ATP2A1: variants seen among roughly 807,000 people sequenced by gnomAD.
ATP2A1 encodes ATPase sarcoplasmic/endoplasmic reticulum Ca2+ transporting 1, also known as sarcoplasmic/endoplasmic reticulum calcium ATPase 1.
A neutral mutation model predicts 109.5 loss-of-function variants in ATP2A1; 83 were observed. The observed-to-expected ratio is 0.76, with a 90% CI of 0.63 to 0.91. The LOEUF is 0.91. ATP2A1 is among the 40% of genes least tolerant of loss of function. ATP2A1 has a pLI of 0.00. For synonymous variants in ATP2A1, 505 were observed against 537.6 expected (o/e 0.94, Z 0.84); for missense variants, 1,101 against 1,341.0 (o/e 0.82, Z 2.80).
At chr16:28,891,146 A>C (rs1192852736) in intron 9 of ATP2A1, among the ~76,000 whole-genome samples, 1 of 151,386 alleles carries the variant, frequency 6.6e-6, no homozygotes, top group Non-Finnish European at 1.5e-5. Context: ...AAATACAAAA[A>C]TTAGTTGGGC....
chr16:28,894,319 G>C, intron 10 of ATP2A1, 76 bp downstream of exon 10: 2 of 1,468,816 alleles, frequency 1.4e-6, no homozygotes, highest in Non-Finnish European at 1.9e-6. Flanking sequence ...GGCCCTCCAT[G>C]TGGTTTTGCT....
rs1383884994 is a variant in ATP2A1, at chr16:28,888,430, C to A, written c.929-357C>A. 1.5e-4 allele frequency among the ~76,000 whole-genome samples: 23 copies of A among 151,826 alleles called. 1 individual carries two copies. Among genetic ancestry groups the A allele is most frequent in the Non-Finnish European group, 2.9e-4 (20 of 67,920 alleles). On this transcript the variant is annotated intron_variant, in intron 8 of 22. Coordinates refer to ENST00000395503, the MANE Select transcript of ATP2A1 (RefSeq NM_004320.6). The stretch of plus-strand genomic sequence containing the variant: ...TTATTGTTTGTTTGTTTAATAGAGA[C>A]AGAGTCTCACTCTTGTTGCCCAGGC...
chr16:28,902,586 T>G lies in ATP2A1; in HGVS notation c.2531T>G (p.Val844Gly). ...TCCCCTCTCTCCACCACAGGCTATG[T>G]GGGTGCAGCCACCGTGGGAGCAGCT... ...FFRYMAIGGY[V>G]GAATVGAAAW... Residue 844 changes from valine (V) to glycine (G), a missense_variant, in exon 18 of 23, where the codon GTG (valine) becomes GGG (glycine). Coordinates refer to ENST00000395503, the MANE Select transcript of ATP2A1 (RefSeq NM_004320.6). This position sits in a 1 kb window ranked among gnomAD's most constrained non-coding sequence, Gnocchi z 4.8. 6.2e-7 allele frequency: 1 copy of G among 1,613,950 alleles called. No homozygotes were observed.
rs1248249913 is a variant in ATP2A1 at position 28,903,508 on chromosome 16, G to T, written c.2980+68G>T. 1 of 846,406 alleles carries T rather than the reference G, an allele frequency of 1.2e-6. No individual in the cohort carries two copies. The highest frequency in any genetic ancestry group is 2.7e-5 in the Admixed American group (1 of 36,424). 52.4% of individuals were successfully genotyped at this position (846,406 alleles called of 1,614,324 possible). ...GCCCCTTCCCCATGACGCCGCCCCCGCCCCGCCCCGTACTTTGCAGGTGGT... is the reference window on the plus strand; with the variant it reads ...GCCCCTTCCCCATGACGCCGCCCCCTCCCCGCCCCGTACTTTGCAGGTGGT... On this transcript the variant is annotated intron_variant, in intron 21 of 22. Coordinates refer to ENST00000395503, the MANE Select transcript of ATP2A1 (RefSeq NM_004320.6). The surrounding 1 kb of genome is among the most constrained non-coding windows in gnomAD (Gnocchi z 5.6).
chr16:28,903,505 C>T lies in ATP2A1; in HGVS notation c.2980+65C>T. 7.0e-7 allele frequency: 1 copy of T among 1,421,702 alleles called. No homozygotes were observed. Among genetic ancestry groups the T allele is most frequent in the Non-Finnish European group, 9.9e-7 (1 of 1,009,648 alleles). 88.1% of individuals were successfully genotyped at this position (1,421,702 alleles called of 1,614,324 possible). A position where few individuals can be genotyped will look rare whatever the true frequency, so the allele number is the denominator to read the frequency against. On this transcript the variant is annotated intron_variant, in intron 21 of 22. Coordinates refer to ENST00000395503, the MANE Select transcript of ATP2A1 (RefSeq NM_004320.6). The surrounding 1 kb of genome is among the most constrained non-coding windows in gnomAD (Gnocchi z 5.6). ...ACAGCCCCTTCCCCATGACGCCGCC[C>T]CCGCCCCGCCCCGTACTTTGCAGGT...
In ATP2A1 at chr16:28,880,791, G is replaced by T; in HGVS notation, c.220-124G>T. The stretch of plus-strand genomic sequence containing the variant: ...TGTGGGGCCACAGCGCCCCGACGGT[G>T]CCCGGCCCTCCTGCTGGCTCCTGCA... On this transcript the variant is annotated intron_variant, in intron 3 of 22. Transcript: ENST00000395503. This position sits in a 1 kb window ranked among gnomAD's most constrained non-coding sequence, Gnocchi z 4.2. 1 of 929,116 alleles carries T rather than the reference G, an allele frequency of 1.1e-6. No individual in the cohort carries two copies. The highest frequency in any genetic ancestry group is 1.7e-6 in the Non-Finnish European group (1 of 571,594). The allele number at this position is 929,116 out of a possible 1,614,324, so 57.6% of individuals were successfully genotyped here.
chr16:28,895,404 T>G (rs1963891292), intron 12 of ATP2A1, among the ~76,000 whole-genome samples: 1 of 152,236 alleles, frequency 6.6e-6, no homozygotes, highest in Non-Finnish European at 1.5e-5. Flanking sequence ...TCACTCCCAG[T>G]TATTGCTATT....
In ATP2A1 at chr16:28,880,130, C is replaced by A; in HGVS notation, c.219+547C>A. On this transcript the variant is annotated intron_variant, in intron 3 of 22. Transcript: ENST00000395503. This position sits in a 1 kb window ranked among gnomAD's most constrained non-coding sequence, Gnocchi z 4.2. ...GCACTGGCATCCCTCATTACCCGCC[C>A]AGCCTGGCCTTAGCCCTTCCCCGCG... The A allele has an allele frequency of 1.0e-6, 1 of 995,756 alleles. No individual in the cohort carries two copies. The highest frequency in any genetic ancestry group is 1.2e-6 in the Non-Finnish European group (1 of 838,168). 61.7% of individuals were successfully genotyped at this position (995,756 alleles called of 1,614,324 possible). A position where few individuals can be genotyped will look rare whatever the true frequency, so the allele number is the denominator to read the frequency against.
rs1393003803 is a variant in ATP2A1, at chr16:28,902,141, G to T, written c.2322-43G>T. 1 of 1,613,944 alleles carries T rather than the reference G, an allele frequency of 6.2e-7. No homozygotes were observed. The highest frequency in any genetic ancestry group is 1.3e-5 in the African/African-American group (1 of 75,060). ...CGGGGTTAGGGTGGGGTGGCTGCAGGTCTGGGAGGCAGGACAGAGGTGTGA... is the reference window on the plus strand; with the variant it reads ...CGGGGTTAGGGTGGGGTGGCTGCAGTTCTGGGAGGCAGGACAGAGGTGTGA... On this transcript the variant is annotated intron_variant, in intron 16 of 22. Coordinates refer to ENST00000395503, the MANE Select transcript of ATP2A1 (RefSeq NM_004320.6). This position sits in a 1 kb window ranked among gnomAD's most constrained non-coding sequence, Gnocchi z 4.8.
In ATP2A1 at chr16:28,884,569, C is replaced by A. The variant is rs758176819; in HGVS notation, c.464-6C>A. 6.2e-7 allele frequency: 1 copy of A among 1,612,810 alleles called. No homozygotes were observed. The highest frequency in any genetic ancestry group is 8.5e-7 in the Non-Finnish European group (1 of 1,179,294). On this transcript the variant is annotated splice_polypyrimidine_tract_variant and splice_region_variant and intron_variant, in intron 5 of 22. Transcript: ENST00000395503. Reference sequence around the variant, plus strand: ...GTGACCTCCCTCTTCCCTACTCTCTCCACAGTGGGGGACAAAGTCCCTGCA... The same window carrying A: ...GTGACCTCCCTCTTCCCTACTCTCTACACAGTGGGGGACAAAGTCCCTGCA...
intron 14 of ATP2A1, among the ~76,000 whole-genome samples, 167 bp from the exon 15 acceptor site, chr16:28,900,414 A>T (rs1964038477): frequency 1.3e-5 from 2 of 151,876 alleles, no homozygotes; most frequent in Non-Finnish European, 2.9e-5. Context: ...CCAAGGCCCC[A>T]CTGAGGTCTG....
chr16:28,887,818 T>G, intron 8 of ATP2A1, 96 bp downstream of exon 8: 3 of 1,473,878 alleles, frequency 2.0e-6, no homozygotes, highest in South Asian at 1.2e-5. Context: ...TTTTGTTTTT[T>G]GAGATGGAGT....
At position 28,883,883 on chromosome 16, in the gene ATP2A1, G is replaced by A. The variant is rs11643913; in HGVS notation, c.464-692G>A. On this transcript the variant is annotated intron_variant, in intron 5 of 22. Transcript: ENST00000395503. This position sits in a 1 kb window ranked among gnomAD's most constrained non-coding sequence, Gnocchi z 5.2. ...CCTGCCTCCCTGAGATGCTCAGACC[G>A]GGCTGTCAGGTTCCCGATATGTGGT... Among the ~76,000 whole-genome samples, 3,669 of 152,020 alleles carry A rather than the reference G, an allele frequency of 0.024. 80 individuals are homozygous for A. Among genetic ancestry groups the A allele is most frequent in the Non-Finnish European group, 0.032 (2,168 of 67,958 alleles).
At chr16:28,888,086 C>T (rs562406582) in intron 8 of ATP2A1, among the ~76,000 whole-genome samples, 34 of 151,994 alleles carry the variant, frequency 2.2e-4, no homozygotes, top group Non-Finnish European at 4.3e-4. Flanking sequence ...CAGGCGTGAG[C>T]CACCGCACCC....
At position 28,878,729 on chromosome 16, in the gene ATP2A1, G is replaced by C; in HGVS notation, c.58G>C (p.Glu20Gln). 6.2e-7 allele frequency: 1 copy of C among 1,613,108 alleles called. No individual in the cohort carries two copies. The highest frequency in any genetic ancestry group is 8.5e-7 in the Non-Finnish European group (1 of 1,179,580). Residue 20 changes from glutamate (E) to glutamine (Q), a missense_variant, in exon 1 of 23, where the codon GAG becomes CAG. Transcript: ENST00000395503. ...ATGTTTGGCCTATTTTGGGGTGAGTGAGACCACGGGCCTCACCCCGGACCA... is the reference window on the plus strand; with the variant it reads ...ATGTTTGGCCTATTTTGGGGTGAGTCAGACCACGGGCCTCACCCCGGACCA... Reference protein sequence around the residue: ...EECLAYFGVSETTGLTPDQVK... With the variant: ...EECLAYFGVSQTTGLTPDQVK...
In ATP2A1 at chr16:28,880,962, T is replaced by TGAACCCTTTGTC; in HGVS notation, c.268_279dup (p.Glu90_Val93dup). On this transcript the variant is annotated inframe_insertion, in exon 4 of 23. Transcript: ENST00000395503. This position sits in a 1 kb window ranked among gnomAD's most constrained non-coding sequence, Gnocchi z 4.2. The stretch of plus-strand genomic sequence containing the variant: ...GTGAAGAGACCATCACTGCCTTTGT[T>TGAACCCTTTGTC]GAACCCTTTGTCATCCTCTTGATCC... The TGAACCCTTTGTC allele has an allele frequency of 1.2e-6, 2 of 1,614,232 alleles. No homozygotes were observed. Among genetic ancestry groups the TGAACCCTTTGTC allele is most frequent in the Non-Finnish European group, 1.7e-6 (2 of 1,180,034 alleles).
At position 28,903,894 on chromosome 16, in the gene ATP2A1, C is replaced by T. The variant is rs2152216142; in HGVS notation, c.*37+153C>T. The T allele has an allele frequency of 3.5e-6, 3 of 846,720 alleles. No individual in the cohort carries two copies. Among genetic ancestry groups the T allele is most frequent in the Non-Finnish European group, 5.9e-6 (3 of 508,282 alleles). 52.5% of individuals were successfully genotyped at this position (846,720 alleles called of 1,614,324 possible). Reference sequence around the variant, plus strand: ...CTGCTGCGCTTCCAGTCAGGGTGGGCCGCTGGCCTCCCACTGGGCGTCAGT... The same window carrying T: ...CTGCTGCGCTTCCAGTCAGGGTGGGTCGCTGGCCTCCCACTGGGCGTCAGT... On this transcript the variant is annotated intron_variant, in intron 22 of 22. Transcript: ENST00000395503. This position sits in a 1 kb window ranked among gnomAD's most constrained non-coding sequence, Gnocchi z 5.6.
intron 12 of ATP2A1, among the ~76,000 whole-genome samples, chr16:28,897,791 C>T (rs1200974001): frequency 6.6e-6 from 1 of 152,180 alleles, no homozygotes; most frequent in Non-Finnish European, 1.5e-5. Flanking sequence ...TTCTGTGGGA[C>T]AGTGCCACAA....
chr16:28,894,126 A>T (rs1476001907), intron 9 of ATP2A1, 29 bp from the exon 10 acceptor site: 5 of 1,600,102 alleles, frequency 3.1e-6, no homozygotes, highest in Non-Finnish European at 4.3e-6. Context: ...AGAGGTGGAC[A>T]TCTGTGTGCC....
Sources: gnomAD v4.1 joint callset for allele counts (sites outside exome capture counted in the v4.1 genomes callset) on GRCh38, gnomAD v4.1.1 for gene constraint, Gnocchi (gnomAD v3.1) non-coding constraint, MANE v1.5 for transcripts, NCBI Gene and HGNC (gene_info 2026-07-23, HGNC 2026-07-21) for gene names.